Variants in DNM3 observed in about 807,000 individuals in gnomAD.
The protein encoded by DNM3 is dynamin-3.
A neutral mutation model predicts 101.6 loss-of-function variants in DNM3; 47 were observed. The ratio of observed to expected loss-of-function variants is 0.46; its 90% CI spans 0.37 to 0.59. The LOEUF (loss-of-function observed/expected upper bound fraction) is 0.59, where lower values mean the gene tolerates loss of function less well. DNM3 is among the 20% of genes least tolerant of loss of function. The pLI, the probability that DNM3 is intolerant of heterozygous loss-of-function variation, is 0.00. For missense variants in DNM3, 849 were observed against 1,085.7 expected (o/e 0.78, Z 3.06); for synonymous variants, 385 against 387.9 (o/e 0.99, Z 0.09).
chr1:172,283,780 A>G (rs2586391), intron 15 of DNM3, among the ~76,000 whole-genome samples: 5,188 of 117,522 alleles, frequency 0.044, 162 homozygotes, highest in African/African-American at 0.082. Context: ...AAAAAAAAAA[A>G]AAAGAAAGAA....
intron 1 of DNM3, among the ~76,000 whole-genome samples, chr1:171,842,026 C>A (rs1484132110): frequency 1.3e-5 from 2 of 152,282 alleles, no homozygotes; most frequent in Admixed American, 6.5e-5. Context: ...CCCTGCCACC[C>A]CCCGCCTGGT....
chr1:171,847,974 A>C (rs2032421068), intron 1 of DNM3, among the ~76,000 whole-genome samples: 2 of 150,756 alleles, frequency 1.3e-5, no homozygotes, highest in African/African-American at 4.9e-5. Context: ...TAGTAGCAAG[A>C]CTGGCATTTG....
rs112713138 is a variant in DNM3, at chr1:172,396,386, A to C, written c.2522+7577A>C. 3.5e-3 allele frequency among the ~76,000 whole-genome samples: 533 copies of C among 152,354 alleles called. 2 individuals carry two copies. The highest frequency in any genetic ancestry group is 0.012 in the African/African-American group (506 of 41,574). On this transcript the variant is annotated intron_variant, in intron 20 of 20. Coordinates refer to ENST00000627582, the MANE Select transcript of DNM3 (RefSeq NM_015569.5). Reference sequence around the variant, plus strand: ...AAAATCAACTTTTTCTCCTATTGGGAATTAATTTAAACATTAGAAAACAGG... The same window carrying C: ...AAAATCAACTTTTTCTCCTATTGGGCATTAATTTAAACATTAGAAAACAGG...
At position 172,412,603 on chromosome 1, in the gene DNM3, G is replaced by A; in HGVS notation, c.*4762G>A. 1 of 985,772 alleles carries A rather than the reference G, an allele frequency of 1.0e-6. No individual in the cohort carries two copies. Among genetic ancestry groups the A allele is most frequent in the African/African-American group, 1.7e-5 (1 of 57,316 alleles). 61.1% of individuals were successfully genotyped at this position (985,772 alleles called of 1,614,324 possible). A position where few individuals can be genotyped will look rare whatever the true frequency, so the allele number is the denominator to read the frequency against. On this transcript the variant is annotated 3_prime_UTR_variant, in exon 21 of 21. Coordinates refer to ENST00000627582, the MANE Select transcript of DNM3 (RefSeq NM_015569.5). ...ATGCTGATATATGGACTCTTAGAAT[G>A]GAATTTTTGAAGAAAAATCTCAAAG...
At chr1:171,900,621 G>C (rs576869648) in intron 1 of DNM3, among the ~76,000 whole-genome samples, 1 of 152,290 alleles carries the variant, frequency 6.6e-6, no homozygotes, top group East Asian at 1.9e-4. Context: ...CAGGGCAGCA[G>C]TCAGGGTGGC....
At chr1:171,930,713 T>C (rs2040935859) in intron 2 of DNM3, among the ~76,000 whole-genome samples, 2 of 152,122 alleles carry the variant, frequency 1.3e-5, no homozygotes, top group Non-Finnish European at 2.9e-5. Flanking sequence ...TTTTCTCCGT[T>C]CTCCACGGGT....
At chr1:172,415,778 C>T (rs2071408490), downstream of DNM3, among the ~76,000 whole-genome samples, 1 of 152,086 alleles carries the variant, frequency 6.6e-6, no homozygotes, top group Admixed American at 6.5e-5. Flanking sequence ...GATCCGCCCA[C>T]CTCAGCTTCC....
chr1:171,897,255 T>C (rs927427744), intron 1 of DNM3, among the ~76,000 whole-genome samples: 9 of 152,208 alleles, frequency 5.9e-5, no homozygotes, highest in Non-Finnish European at 1.3e-4. Context: ...CTTTTTATTT[T>C]TGTCAAATCA....
chr1:171,920,987 C>T (rs931644006), intron 1 of DNM3, among the ~76,000 whole-genome samples: 3 of 152,102 alleles, frequency 2.0e-5, no homozygotes, highest in Non-Finnish European at 2.9e-5. Context: ...TGCAGTGGTG[C>T]GACATTGGCT....
At chr1:172,191,040 T>G (rs1171995906) in intron 14 of DNM3, among the ~76,000 whole-genome samples, 3 of 152,178 alleles carry the variant, frequency 2.0e-5, no homozygotes, top group Non-Finnish European at 4.4e-5. Flanking sequence ...ATTTGTCAAT[T>G]TTGGCTTTTG....
intron 2 of DNM3, among the ~76,000 whole-genome samples, chr1:171,956,057 CA>C (rs1468217352): frequency 1.3e-5 from 2 of 152,130 alleles, no homozygotes; most frequent in Non-Finnish European, 2.9e-5. Flanking sequence ...AGCTACAATT[CA>C]AGATGAGATT....
intron 12 of DNM3, among the ~76,000 whole-genome samples, chr1:172,089,469 A>G (rs1005564624): frequency 1.3e-5 from 2 of 152,224 alleles, no homozygotes; most frequent in Non-Finnish European, 2.9e-5. Context: ...ATTTTTAAAT[A>G]AATGTTTTGA....
chr1:172,338,626 A>G (rs2148952973), intron 17 of DNM3, among the ~76,000 whole-genome samples: 1 of 152,218 alleles, frequency 6.6e-6, no homozygotes, highest in East Asian at 1.9e-4. Flanking sequence ...GAAGGATGAT[A>G]TAGAGAAGCC....
intron 11 of DNM3, among the ~76,000 whole-genome samples, chr1:172,079,469 C>T (rs1217796624): frequency 6.6e-6 from 1 of 152,012 alleles, no homozygotes; most frequent in East Asian, 1.9e-4. Flanking sequence ...TCAGCTCCAT[C>T]AGGTCATTTA....
intron 4 of DNM3, among the ~76,000 whole-genome samples, chr1:171,998,437 C>T (rs1572018537): frequency 6.6e-6 from 1 of 152,230 alleles, no homozygotes; most frequent in Admixed American, 6.5e-5. Flanking sequence ...ATGTAATTTT[C>T]ACTTTTCCAT....
At chr1:172,306,681 G>A (rs1358165115) in intron 15 of DNM3, among the ~76,000 whole-genome samples, 2 of 152,098 alleles carry the variant, frequency 1.3e-5, no homozygotes, top group Non-Finnish European at 2.9e-5. Flanking sequence ...CCAAAACAGA[G>A]ATATAGACCA....
chr1:172,298,956 T>C (rs1408628920), intron 15 of DNM3, among the ~76,000 whole-genome samples: 5 of 151,962 alleles, frequency 3.3e-5, no homozygotes, highest in Admixed American at 1.3e-4. Context: ...ACAACTGTGA[T>C]GAGTGCTACA....
chr1:171,929,742 A>G (rs2040854327), intron 2 of DNM3, among the ~76,000 whole-genome samples: 1 of 152,196 alleles, frequency 6.6e-6, no homozygotes, highest in African/African-American at 2.4e-5. Context: ...TGTTGGCCAG[A>G]AAACACCAGC....
intron 14 of DNM3, among the ~76,000 whole-genome samples, chr1:172,187,194 C>T (rs1461053897): frequency 5.3e-5 from 8 of 152,004 alleles, no homozygotes; most frequent in Non-Finnish European, 1.5e-5. Context: ...CTGCCTTTTC[C>T]CACCAGCAGT....
Sources: gnomAD v4.1 joint callset for allele counts (sites outside exome capture counted in the v4.1 genomes callset) on GRCh38, gnomAD v4.1.1 for gene constraint, MANE v1.5 for transcripts, NCBI Gene and HGNC (gene_info 2026-07-23, HGNC 2026-07-21) for gene names.